C1QTNF7: variants seen among roughly 807,000 people sequenced by gnomAD.
The protein encoded by C1QTNF7 is complement C1q tumor necrosis factor-related protein 7.
A neutral mutation model predicts 19.6 loss-of-function variants in C1QTNF7; 15 were observed. The ratio of observed to expected loss-of-function variants is 0.76; its 90% CI spans 0.51 to 1.18. C1QTNF7 has a LOEUF of 1.18. C1QTNF7 is among the 50% of genes most tolerant of loss of function. The pLI, the probability that C1QTNF7 is intolerant of heterozygous loss-of-function variation, is 0.00. For synonymous variants in C1QTNF7, 142 were observed against 137.5 expected (o/e 1.03, Z -0.23); for missense variants, 324 against 359.7 (o/e 0.90, Z 0.80).
At position 15,445,296 on chromosome 4, in the gene C1QTNF7, A is replaced by C. The variant is rs1201420995; in HGVS notation, c.*2497A>C. ...CAACAGAAGTAACTAATCCGGGAAA[A>C]GTGAACATATGGGCCCTTTAAAGAC... On this transcript the variant is annotated 3_prime_UTR_variant, in exon 3 of 3. Transcript: ENST00000444304. 1.3e-5 allele frequency: 2 copies of C among 152,264 alleles called. No individual in the cohort carries two copies. The highest frequency in any genetic ancestry group is 2.9e-5 in the Non-Finnish European group (2 of 68,040). The allele number at this position is 152,264 out of a possible 1,614,324, so 9.4% of individuals were successfully genotyped here.
intron 1 of C1QTNF7, among the ~76,000 whole-genome samples, chr4:15,403,003 A>C (rs1488858054): frequency 6.6e-6 from 1 of 151,032 alleles, no homozygotes; most frequent in Non-Finnish European, 1.5e-5. Flanking sequence ...TTTTTTAATA[A>C]AATTCCTTGA....
chr4:15,385,715 G>T (rs1577249428), intron 1 of C1QTNF7, among the ~76,000 whole-genome samples: 1 of 152,340 alleles, frequency 6.6e-6, no homozygotes, highest in Middle Eastern at 3.4e-3. Context: ...TTTGGAAAAT[G>T]CACTGTCAGC....
Position 15,445,156 on chromosome 4 carries a change from C to T in C1QTNF7, c.*2357C>T, listed in dbSNP as rs1225819957. The T allele has an allele frequency of 6.6e-6, 1 of 152,100 alleles. No individual in the cohort carries two copies. The highest frequency in any genetic ancestry group is 2.4e-5 in the African/African-American group (1 of 41,404). The allele number at this position is 152,100 out of a possible 1,614,324, so 9.4% of individuals were successfully genotyped here. On this transcript the variant is annotated 3_prime_UTR_variant, in exon 3 of 3. Transcript: ENST00000444304. ...TGAGTCAGGACATGTGTACAGGAGA[C>T]CAAGAACAATGAGTATTAGAAAAAA...
intron 1 of C1QTNF7, among the ~76,000 whole-genome samples, chr4:15,363,221 G>A (rs1031703911): frequency 8.6e-5 from 13 of 151,808 alleles, no homozygotes; most frequent in African/African-American, 3.1e-4. Context: ...ATCACGCTGA[G>A]CTTAGTCTTT....
At chr4:15,384,279 T>C (rs1718252064) in intron 1 of C1QTNF7, among the ~76,000 whole-genome samples, 1 of 152,220 alleles carries the variant, frequency 6.6e-6, no homozygotes, top group Non-Finnish European at 1.5e-5. Context: ...AAAGGAAGTA[T>C]ATATTCACTT....
chr4:15,397,799 C>G (rs1718843269), intron 1 of C1QTNF7, among the ~76,000 whole-genome samples: 2 of 152,226 alleles, frequency 1.3e-5, no homozygotes, highest in African/African-American at 4.8e-5. Flanking sequence ...GGATCCCCAA[C>G]AGACCACCTA....
At chr4:15,434,109 T>C (rs905945204) in intron 1 of C1QTNF7, among the ~76,000 whole-genome samples, 2 of 151,810 alleles carry the variant, frequency 1.3e-5, no homozygotes, top group African/African-American at 2.4e-5. Context: ...ATTTGTGCTG[T>C]ATGACAAGGG....
chr4:15,414,849 T>C (rs1719534360), intron 1 of C1QTNF7, among the ~76,000 whole-genome samples: 1 of 152,120 alleles, frequency 6.6e-6, no homozygotes, highest in Non-Finnish European at 1.5e-5. Context: ...ATAGCCATCA[T>C]AGAGTTCCAG....
intron 2 of C1QTNF7, among the ~76,000 whole-genome samples, chr4:15,438,731 T>C (rs1040320590): frequency 6.6e-6 from 1 of 152,182 alleles, no homozygotes; most frequent in Non-Finnish European, 1.5e-5. Flanking sequence ...ATCATATGGA[T>C]GTAGGTATTC....
At chr4:15,440,580 G>GT (rs1447016913) in intron 2 of C1QTNF7, among the ~76,000 whole-genome samples, 1 of 151,806 alleles carries the variant, frequency 6.6e-6, no homozygotes, top group Non-Finnish European at 1.5e-5. Flanking sequence ...GCTAATTTTT[G>GT]TATTTTTAGT....
intron 1 of C1QTNF7, among the ~76,000 whole-genome samples, chr4:15,345,058 A>G (rs28445020): frequency 0.017 from 2,651 of 152,308 alleles, 71 homozygotes; most frequent in African/African-American, 0.061. Flanking sequence ...AACTATAGCA[A>G]GTCTGAATCT....
intron 1 of C1QTNF7, among the ~76,000 whole-genome samples, chr4:15,359,092 T>G (rs1270730756): frequency 6.6e-6 from 1 of 152,178 alleles, no homozygotes; most frequent in Admixed American, 6.5e-5. Flanking sequence ...CAGCAAACAC[T>G]GCCACCCTCT....
intron 1 of C1QTNF7, among the ~76,000 whole-genome samples, chr4:15,420,671 C>T (rs1389690735): frequency 6.6e-6 from 1 of 151,980 alleles, no homozygotes; most frequent in Non-Finnish European, 1.5e-5. Context: ...GAGTCTTTTG[C>T]CCAAGGCAAT....
At chr4:15,402,004 G>C (rs968454377) in intron 1 of C1QTNF7, among the ~76,000 whole-genome samples, 7 of 152,174 alleles carry the variant, frequency 4.6e-5, no homozygotes, top group Non-Finnish European at 8.8e-5. Context: ...ATTCAAGAAA[G>C]CTTTTTGAGT....
chr4:15,366,988 C>T (rs1450557179), intron 1 of C1QTNF7, among the ~76,000 whole-genome samples: 1 of 152,132 alleles, frequency 6.6e-6, no homozygotes, highest in Non-Finnish European at 1.5e-5. Flanking sequence ...TTTTGAGGGA[C>T]ATTTTGGTTC....
upstream of C1QTNF7, among the ~76,000 whole-genome samples, chr4:15,426,250 T>A (rs1489978231): frequency 1.3e-5 from 2 of 152,194 alleles, no homozygotes; most frequent in African/African-American, 4.8e-5. Flanking sequence ...AATCTGACTT[T>A]TACTCTGAGC....
chr4:15,394,681 A>G (rs1016634849), intron 1 of C1QTNF7, among the ~76,000 whole-genome samples: 3 of 152,028 alleles, frequency 2.0e-5, no homozygotes, highest in Admixed American at 6.5e-5. Flanking sequence ...ATTTTTTATA[A>G]TTTTCAAAAA....
intron 1 of C1QTNF7, among the ~76,000 whole-genome samples, chr4:15,346,558 T>C (rs1488486211): frequency 6.6e-6 from 1 of 152,196 alleles, no homozygotes; most frequent in Non-Finnish European, 1.5e-5. Flanking sequence ...TCTCTTAAAT[T>C]GGTAATTTTT....
chr4:15,392,577 A>G (rs1718607577), intron 1 of C1QTNF7, among the ~76,000 whole-genome samples: 1 of 152,142 alleles, frequency 6.6e-6, no homozygotes, highest in African/African-American at 2.4e-5. Context: ...TCCAGGGAGG[A>G]CCTGGTACAG....
Sources: allele counts gnomAD v4.1 joint callset (sites outside exome capture counted in the v4.1 genomes callset), GRCh38; gene constraint gnomAD v4.1.1; transcripts MANE v1.5; gene names NCBI Gene and HGNC (gene_info 2026-07-23, HGNC 2026-07-21).